The following PDE1C variants were observed in gnomAD, a reference collection of about 807,000 sequenced individuals.
PDE1C encodes dual specificity calcium/calmodulin-dependent 3',5'-cyclic nucleotide phosphodiesterase 1C.
In PDE1C, 62 loss-of-function variants were observed where a neutral mutation model predicts 93.1. That is an observed-to-expected ratio of 0.67 (90% CI 0.54 to 0.82). The LOEUF is 0.82. PDE1C is among the 40% of genes least tolerant of loss of function. The probability of loss-of-function intolerance (pLI) is 0.00; values close to 1 mark genes in which losing one functional copy is unlikely to be tolerated. For synonymous variants in PDE1C, 325 were observed against 310.1 expected (o/e 1.05, Z -0.50); for missense variants, 742 against 884.6 (o/e 0.84, Z 2.04).
Position 31,824,945 on chromosome 7 carries a change from G to A in PDE1C, c.1328C>T (p.Thr443Met), listed in dbSNP as rs201605972. The A allele has an allele frequency of 1.2e-6, 2 of 1,613,226 alleles. No homozygotes were observed. The highest frequency in any genetic ancestry group is 2.2e-5 in the East Asian group (1 of 44,838). The change falls in exon 13 of 18, where the codon ACG (threonine) becomes ATG (methionine). Residue 443 changes from threonine (T) to methionine (M), a missense_variant. Thr to Met is a moderately conservative substitution (Grantham distance 81). Coordinates refer to ENST00000396191, the MANE Select transcript of PDE1C (RefSeq NM_001191057.4). ...FIVEPTFTVL[T>M]DMTEKIVSPL... is the part of the protein sequence containing the mutation. ...ACTCACAATCTTCTCGGTCATGTCCGTAAGCACAGTGAAGGTGGGTTCCAC... is the reference window on the plus strand; with the variant it reads ...ACTCACAATCTTCTCGGTCATGTCCATAAGCACAGTGAAGGTGGGTTCCAC...
chr7:31,893,474 T>TA lies in PDE1C; in HGVS notation c.129-12615dup, dbSNP rs924459161. On this transcript the variant is annotated intron_variant, in intron 2 of 17. Transcript: ENST00000396191. Reference sequence around the variant, plus strand: ...AAAGAAAAGAAGAATTGGGAAGACTTACTTATGCAGTCCCATCTCACTTGC... The same window carrying TA: ...AAAGAAAAGAAGAATTGGGAAGACTTAACTTATGCAGTCCCATCTCACTTGC... 13 of 984,524 alleles carry TA rather than the reference T, an allele frequency of 1.3e-5. No individual in the cohort carries two copies. The African/African-American group carries it at 2.3e-4, about 17-fold the overall frequency. The allele number at this position is 984,524 out of a possible 1,614,324, so 61.0% of individuals were successfully genotyped here. A position where few individuals can be genotyped will look rare whatever the true frequency, so the allele number is the denominator to read the frequency against.
rs142256985 is a variant in PDE1C at position 31,932,996 on chromosome 7, A to G, written c.129-52136T>C. 3.7e-3 allele frequency among the ~76,000 whole-genome samples: 563 copies of G among 152,246 alleles called. 2 individuals are homozygous for G. The highest frequency in any genetic ancestry group is 0.012 in the African/African-American group (519 of 41,542). Reference sequence around the variant, plus strand: ...AACCAAACACCACATGTTCCCACTCATAAGTGGGAGTTGAATAATGAGAAT... The same window carrying G: ...AACCAAACACCACATGTTCCCACTCGTAAGTGGGAGTTGAATAATGAGAAT... On this transcript the variant is annotated intron_variant, in intron 2 of 17. Transcript: ENST00000396191.
At chr7:32,317,044 C>T (rs1783189873) in intron 1 of PDE1C, among the ~76,000 whole-genome samples, 1 of 152,174 alleles carries the variant, frequency 6.6e-6, no homozygotes, top group African/African-American at 2.4e-5. Context: ...GCTCCACACA[C>T]GCCTGAGGAA....
chr7:32,106,211 G>A (rs1246071548), intron 3 of PDE1C, among the ~76,000 whole-genome samples: 1 of 152,016 alleles, frequency 6.6e-6, no homozygotes, highest in Non-Finnish European at 1.5e-5. Flanking sequence ...CAGAGATTGG[G>A]CCTTGCTACA....
At chr7:32,225,392 T>C (rs552652128) in intron 1 of PDE1C, among the ~76,000 whole-genome samples, 11 of 151,810 alleles carry the variant, frequency 7.2e-5, no homozygotes, top group African/African-American at 2.7e-4. Context: ...ACACACACAC[T>C]CACAGCCCCT....
chr7:31,793,473 G>C (rs754783724), intron 16 of PDE1C, among the ~76,000 whole-genome samples: 25 of 152,034 alleles, frequency 1.6e-4, no homozygotes, highest in Non-Finnish European at 2.8e-4. Context: ...TTCAAAACCA[G>C]ATTTTCAGGT....
chr7:31,989,410 A>G (rs1236783386), intron 2 of PDE1C, among the ~76,000 whole-genome samples: 2 of 152,164 alleles, frequency 1.3e-5, no homozygotes, highest in Non-Finnish European at 2.9e-5. Flanking sequence ...AACCCAGAAC[A>G]TTTCCATAAA....
chr7:31,697,336 T>C, the PDE1C span, among the ~76,000 whole-genome samples: 3 of 152,166 alleles, frequency 2.0e-5, no homozygotes, highest in Non-Finnish European at 4.4e-5. Flanking sequence ...GTCAGAGCAT[T>C]ACTCATGCCT....
At chr7:31,683,758 ATC>A in the PDE1C span, among the ~76,000 whole-genome samples, 2 of 152,240 alleles carry the variant, frequency 1.3e-5, no homozygotes, top group Non-Finnish European at 2.9e-5. Context: ...TGAAAGGCAA[ATC>A]TTTTAAGAGA....
At chr7:31,950,453 A>C (rs991465073) in intron 2 of PDE1C, among the ~76,000 whole-genome samples, 1 of 152,176 alleles carries the variant, frequency 6.6e-6, no homozygotes, top group Non-Finnish European at 1.5e-5. Context: ...CCCAATTTCC[A>C]AGACATCCTC....
chr7:31,979,106 A>G (rs1017915489), intron 2 of PDE1C, among the ~76,000 whole-genome samples: 1 of 152,216 alleles, frequency 6.6e-6, no homozygotes, highest in African/African-American at 2.4e-5. Flanking sequence ...TTAATAAAAC[A>G]TAGCCTTAGA....
the PDE1C span, chr7:31,708,387 C>T: frequency 6.6e-6 from 1 of 152,236 alleles, no homozygotes; most frequent in Non-Finnish European, 1.5e-5. Flanking sequence ...TTAATCCCTT[C>T]TGTCTTTCTG....
At chr7:32,144,779 A>G (rs1164613499) in intron 3 of PDE1C, among the ~76,000 whole-genome samples, 2 of 152,174 alleles carry the variant, frequency 1.3e-5, no homozygotes, top group Non-Finnish European at 2.9e-5. Context: ...AGTGGATTTT[A>G]TTCTTCGAGC....
At chr7:32,072,626 GCAAA>G (rs1459131452), upstream of PDE1C, among the ~76,000 whole-genome samples, 1,674 of 152,312 alleles carry the variant, frequency 0.011, 35 homozygotes, top group African/African-American at 0.038. Flanking sequence ...GATAATAACA[GCAAA>G]CAAGTGTCAG....
intron 16 of PDE1C, among the ~76,000 whole-genome samples, chr7:31,805,497 A>ACTAAAGC: frequency 6.6e-6 from 1 of 151,698 alleles, no homozygotes; most frequent in South Asian, 2.1e-4. Context: ...TATTCTGTTA[A>ACTAAAGC]CTAAAGCCAT....
chr7:31,990,610 T>C (rs1356855144), intron 2 of PDE1C, among the ~76,000 whole-genome samples: 1 of 152,182 alleles, frequency 6.6e-6, no homozygotes, highest in Admixed American at 6.5e-5. Flanking sequence ...ACCTCAATAT[T>C]TGTTTGATTT....
the PDE1C span, among the ~76,000 whole-genome samples, chr7:31,677,955 T>C: frequency 1.3e-5 from 2 of 152,128 alleles, no homozygotes; most frequent in Non-Finnish European, 2.9e-5. Flanking sequence ...GTAAAATCAA[T>C]ATGTAAAAAG....
At chr7:32,247,284 C>A (rs1809034364) in intron 1 of PDE1C, among the ~76,000 whole-genome samples, 1 of 121,986 alleles carries the variant, frequency 8.2e-6, no homozygotes, top group Non-Finnish European at 1.8e-5. Context: ...CCTAGGGCTT[C>A]TTGGCCAAAC....
intron 3 of PDE1C, among the ~76,000 whole-genome samples, chr7:32,116,263 G>T (rs1042897188): frequency 3.3e-5 from 5 of 152,136 alleles, no homozygotes; most frequent in African/African-American, 1.2e-4. Flanking sequence ...ATGCTTATAT[G>T]CTATTCAATT....
Sources: allele counts gnomAD v4.1 joint callset (sites outside exome capture counted in the v4.1 genomes callset), GRCh38; gene constraint gnomAD v4.1.1; transcripts MANE v1.5; gene names NCBI Gene and HGNC (gene_info 2026-07-23, HGNC 2026-07-21).